Variants in LRRC69 observed in about 807,000 individuals in gnomAD.
The protein encoded by LRRC69 is leucine rich repeat containing 69.
Under a neutral mutation model 37.8 loss-of-function variants are expected in LRRC69, and 42 were observed. The ratio of observed to expected loss-of-function variants is 1.11; its 90% CI spans 0.87 to 1.44. LRRC69 has a LOEUF of 1.44. Among genes scored for constraint, LRRC69 ranks in the 40% most tolerant of loss-of-function variants. The pLI, the probability that LRRC69 is intolerant of heterozygous loss-of-function variation, is 0.00. For synonymous variants in LRRC69, 141 were observed against 143.1 expected, an observed-to-expected ratio of 0.99 and a Z score of 0.11; for missense variants, 357 against 401.9, an observed-to-expected ratio of 0.89 and a Z score of 0.96.
At chr8:91,124,791 A>G (rs62526685) in intron 2 of LRRC69, 172 bp downstream of exon 2, 281,252 of 532,960 alleles carry the variant, frequency 0.53, 77,184 homozygotes, top group South Asian at 0.64. Context: ...AAAGTATTGT[A>G]TCATATGTTT....
chr8:91,153,064 A>G (rs1305851203), intron 5 of LRRC69, among the ~76,000 whole-genome samples: 1 of 151,394 alleles, frequency 6.6e-6, no homozygotes, highest in East Asian at 1.9e-4. Flanking sequence ...AGATAAAAGC[A>G]GAGGTTGCAA....
chr8:91,148,199 A>T (rs943190033), intron 5 of LRRC69, among the ~76,000 whole-genome samples: 5 of 151,694 alleles, frequency 3.3e-5, no homozygotes, highest in African/African-American at 1.2e-4. Context: ...GTCATTTAAC[A>T]TTAGGTATAT....
Position 91,140,942 on chromosome 8 carries a change from C to T in LRRC69, c.651+5203C>T, listed in dbSNP as rs1808521439. 1.7e-4 allele frequency among the ~76,000 whole-genome samples: 3 copies of T among 17,188 alleles called. 1 individual carries two copies. In the South Asian group the frequency reaches 7.4e-3, roughly 42 times the overall value. The allele number at this position is 17,188 out of a possible 152,430, so 11.3% of individuals were successfully genotyped here. A position where few individuals can be genotyped will look rare whatever the true frequency, so the allele number is the denominator to read the frequency against. On this transcript the variant is annotated intron_variant, in intron 5 of 7. Transcript: ENST00000448384. ...TGCTGGGATTACAGGCGTGAGCCACCGCGCCCGGCCTCAATATGTGATTTT... is the reference window on the plus strand; with the variant it reads ...TGCTGGGATTACAGGCGTGAGCCACTGCGCCCGGCCTCAATATGTGATTTT...
intron 5 of LRRC69, among the ~76,000 whole-genome samples, chr8:91,151,771 A>G (rs1808742450): frequency 1.3e-5 from 2 of 151,648 alleles, no homozygotes; most frequent in South Asian, 2.1e-4. Flanking sequence ...ACAGTGTAAA[A>G]GTGTTCTTAT....
In LRRC69 at chr8:91,214,098, T is replaced by C. The variant is rs541460416; in HGVS notation, c.934-4792T>C. 9.2e-5 allele frequency among the ~76,000 whole-genome samples: 14 copies of C among 152,186 alleles called. No homozygotes were observed. The East Asian group carries it at 2.7e-3, about 29-fold the overall frequency. On this transcript the variant is annotated intron_variant, in intron 7 of 7. Transcript: ENST00000448384. ...GTTGAAGTTTGAAGAGAAGAGAAGC[T>C]GAAGATAAGAGGCTAGTTAGAGTGG...
chr8:91,116,034 C>T (rs909875115), intron 1 of LRRC69, among the ~76,000 whole-genome samples: 4 of 151,848 alleles, frequency 2.6e-5, no homozygotes, highest in Admixed American at 6.6e-5. Flanking sequence ...TAAAAGAGTG[C>T]TTGTGAATTT....
intron 7 of LRRC69, among the ~76,000 whole-genome samples, chr8:91,215,180 T>G (rs1468938436): frequency 2.6e-5 from 4 of 152,124 alleles, no homozygotes; most frequent in Non-Finnish European, 4.4e-5. Flanking sequence ...TGAGGTGACA[T>G]GCATATTCAT....
chr8:91,218,798 G>A, intron 7 of LRRC69, 92 bp from the exon 8 acceptor site: 1 of 773,154 alleles, frequency 1.3e-6, no homozygotes, highest in Non-Finnish European at 2.0e-6. Flanking sequence ...AGAAGTCAAT[G>A]TTCTGAAACC....
intron 7 of LRRC69, among the ~76,000 whole-genome samples, chr8:91,208,360 A>G (rs1237352093): frequency 6.6e-6 from 1 of 152,158 alleles, no homozygotes; most frequent in Admixed American, 6.5e-5. Flanking sequence ...AAGGAGATCT[A>G]CTCAGTAGGG....
At chr8:91,116,895 C>A (rs1813520302) in intron 1 of LRRC69, among the ~76,000 whole-genome samples, 1 of 152,114 alleles carries the variant, frequency 6.6e-6, no homozygotes, top group South Asian at 2.1e-4. Context: ...TTAAAAATAT[C>A]ACTATACATT....
At position 91,170,389 on chromosome 8, in the gene LRRC69, T is replaced by C. The variant is rs1231263753; in HGVS notation, c.652-19133T>C. 1.3e-5 allele frequency among the ~76,000 whole-genome samples: 2 copies of C among 149,522 alleles called. 1 individual carries two copies. The highest frequency in any genetic ancestry group is 1.3e-4 in the Admixed American group (2 of 14,964). On this transcript the variant is annotated intron_variant, in intron 5 of 7. Coordinates refer to ENST00000448384, the Ensembl canonical transcript of LRRC69. ...GCTACCAATGCCTTTCTTCACAGAA[T>C]TGGAAAAAACTACTTTAAAGTTCAT... is the stretch of plus-strand genomic sequence containing the variant.
At chr8:91,186,683 A>G (rs1318578472) in intron 5 of LRRC69, among the ~76,000 whole-genome samples, 1 of 152,148 alleles carries the variant, frequency 6.6e-6, no homozygotes, top group African/African-American at 2.4e-5. Flanking sequence ...CCATTTCTTC[A>G]GCAAAATTTT....
intron 3 of LRRC69, among the ~76,000 whole-genome samples, chr8:91,128,298 C>T (rs1813754123): frequency 6.6e-6 from 1 of 151,954 alleles, no homozygotes; most frequent in South Asian, 2.1e-4. Context: ...GCAGCTATAA[C>T]ACGTTATGAT....
At chr8:91,141,482 A>G (rs1189313658) in intron 5 of LRRC69, among the ~76,000 whole-genome samples, 3 of 152,100 alleles carry the variant, frequency 2.0e-5, no homozygotes, top group Non-Finnish European at 4.4e-5. Flanking sequence ...TTATTACTCT[A>G]TTTGGCATCT....
At chr8:91,188,732 C>T (rs1456319280) in intron 5 of LRRC69, among the ~76,000 whole-genome samples, 1 of 151,964 alleles carries the variant, frequency 6.6e-6, no homozygotes, top group Admixed American at 6.6e-5. Context: ...TTATTCTCTT[C>T]TTAATCTTTT....
At chr8:91,122,123 A>G (rs1300969232) in intron 1 of LRRC69, among the ~76,000 whole-genome samples, 1 of 152,088 alleles carries the variant, frequency 6.6e-6, no homozygotes, top group Non-Finnish European at 1.5e-5. Flanking sequence ...TGTACAGTAT[A>G]TGCCCTCAGA....
intron 5 of LRRC69, among the ~76,000 whole-genome samples, chr8:91,143,527 A>G (rs1439511668): frequency 6.6e-6 from 1 of 152,044 alleles, no homozygotes; most frequent in Non-Finnish European, 1.5e-5. Flanking sequence ...TGTCAGAGTT[A>G]AGAATCTTAA....
chr8:91,136,795 A>G, intron 5 of LRRC69, among the ~76,000 whole-genome samples: 1 of 152,094 alleles, frequency 6.6e-6, no homozygotes, highest in East Asian at 1.9e-4. Flanking sequence ...GGTACCAGAT[A>G]AGTGGAACCA....
intron 5 of LRRC69, among the ~76,000 whole-genome samples, chr8:91,139,865 G>T (rs951328466): frequency 4.0e-5 from 6 of 151,482 alleles, no homozygotes; most frequent in Non-Finnish European, 7.4e-5. Context: ...GAAGTGGGCG[G>T]ATCACCTCAG....
Sources: allele counts gnomAD v4.1 joint callset (sites outside exome capture counted in the v4.1 genomes callset), GRCh38; gene constraint gnomAD v4.1.1; transcripts MANE v1.5; gene names NCBI Gene and HGNC (gene_info 2026-07-23, HGNC 2026-07-21).